DYNC2LI1: variants seen among roughly 807,000 people sequenced by gnomAD.
The protein encoded by DYNC2LI1 is dynein cytoplasmic 2 light intermediate chain 1.
A neutral mutation model predicts 51.9 loss-of-function variants in DYNC2LI1; 45 were observed. The observed-to-expected ratio is 0.87, with a 90% CI of 0.68 to 1.11. The LOEUF is 1.11. DYNC2LI1 is among the 50% of genes most tolerant of loss of function. The probability of loss-of-function intolerance (pLI) is 0.00; values close to 1 mark genes in which losing one functional copy is unlikely to be tolerated. For synonymous variants in DYNC2LI1, 130 were observed against 137.8 expected (o/e 0.94, Z 0.40); for missense variants, 490 against 417.4 (o/e 1.17, Z -1.51).
the DYNC2LI1 span, among the ~76,000 whole-genome samples, chr2:43,816,433 GGA>G: frequency 0.16 from 23,622 of 152,158 alleles, 1,938 homozygotes; most frequent in South Asian, 0.22. Context: ...TGCAGGTGGC[GGA>G]GAGAGAGAAA....
In DYNC2LI1 at chr2:43,794,499, T is replaced by C. The variant is rs768949011; in HGVS notation, c.363T>C (p.Asn121=). The change falls in exon 6 of 13, where the codon AAT becomes AAC. Residue 121 remains asparagine, a synonymous_variant. Coordinates refer to ENST00000260605, the MANE Select transcript of DYNC2LI1 (RefSeq NM_016008.4). ...LVLVLDLSKP[N]DLWPTMENLL... ...TCGTTCTGGATCTTTCAAAACCTAA[T>C]GATCTCTGGCCCACCATGGAAAATC... 24 of 1,613,872 alleles carry C rather than the reference T, an allele frequency of 1.5e-5. No individual in the cohort carries two copies. In the East Asian group the frequency reaches 2.0e-4, roughly 13 times the overall value.
chr2:43,796,102 A>G lies in DYNC2LI1; in HGVS notation c.576+144A>G, dbSNP rs1674025326. 6.2e-6 allele frequency: 4 copies of G among 649,620 alleles called. No homozygotes were observed. In the South Asian group the frequency reaches 6.5e-5, roughly 11 times the overall value. The allele number at this position is 649,620 out of a possible 1,614,324, so 40.2% of individuals were successfully genotyped here. A position where few individuals can be genotyped will look rare whatever the true frequency, so the allele number is the denominator to read the frequency against. ...ATGCATCTTAAAGATTTTGGAAAAG[A>G]CATAGTTGGGACAGAAAAAAATAGG... is the stretch of plus-strand genomic sequence containing the variant. On this transcript the variant is annotated intron_variant, in intron 7 of 12. Transcript: ENST00000260605.
intron 5 of DYNC2LI1, among the ~76,000 whole-genome samples, chr2:43,791,877 T>A (rs1375982296): frequency 6.6e-6 from 1 of 152,262 alleles, no homozygotes; most frequent in Non-Finnish European, 1.5e-5. Context: ...TGTAAAAAAA[T>A]TTTTTGGCTA....
intron 8 of DYNC2LI1, among the ~76,000 whole-genome samples, chr2:43,797,106 C>CAATAT (rs770616560): frequency 1.3e-5 from 2 of 152,112 alleles, no homozygotes; most frequent in Non-Finnish European, 2.9e-5. Context: ...GAATTAGAAT[C>CAATAT]TATATTCCCC....
downstream of DYNC2LI1, among the ~76,000 whole-genome samples, chr2:43,813,933 G>A (rs941192172): frequency 5.3e-5 from 8 of 151,738 alleles, no homozygotes; most frequent in African/African-American, 1.9e-4. Context: ...CGGCCAGGCT[G>A]GTCTCGAACT....
intron 12 of DYNC2LI1, 154 bp downstream of exon 12, chr2:43,805,400 A>T (rs911413858): frequency 1.9e-5 from 9 of 474,252 alleles, no homozygotes; most frequent in African/African-American, 1.4e-4. Context: ...TAAATAACAC[A>T]CTAATAGTAT....
chr2:43,798,091 C>T (rs1253760775), intron 8 of DYNC2LI1, among the ~76,000 whole-genome samples: 2 of 151,458 alleles, frequency 1.3e-5, no homozygotes, highest in Admixed American at 1.3e-4. Context: ...CACACCACTG[C>T]ACTCCAGACT....
intron 11 of DYNC2LI1, 102 bp from the exon 12 acceptor site, chr2:43,805,052 T>C (rs1666200172): frequency 5.4e-6 from 4 of 741,256 alleles, no homozygotes; most frequent in Non-Finnish European, 9.1e-6. Context: ...ATAGAGAGCC[T>C]TTGTGGCAGG....
chr2:43,801,771 C>T (rs530355700), intron 10 of DYNC2LI1, 62 bp downstream of exon 10: 1 of 1,267,860 alleles, frequency 7.9e-7, no homozygotes, highest in Admixed American at 1.9e-5. Context: ...TTGTCCTACT[C>T]CATGTTCACT....
chr2:43,782,565 A>C (rs79766026), intron 2 of DYNC2LI1, among the ~76,000 whole-genome samples: 3 of 151,376 alleles, frequency 2.0e-5, no homozygotes, highest in African/African-American at 7.3e-5. Flanking sequence ...AAAAAAAAAA[A>C]AGGATTTTAC....
At chr2:43,785,839 G>T (rs939127502) in intron 3 of DYNC2LI1, among the ~76,000 whole-genome samples, 1 of 152,024 alleles carries the variant, frequency 6.6e-6, no homozygotes, top group South Asian at 2.1e-4. Flanking sequence ...ATGAGAAGTT[G>T]TTTAATGGGT....
At chr2:43,801,254 A>G (rs1266567362) in intron 9 of DYNC2LI1, 1 of 157,304 alleles carries the variant, frequency 6.4e-6, no homozygotes, top group Non-Finnish European at 1.4e-5. Flanking sequence ...AGGCTGGAAT[A>G]AAATAATGAT....
intron 2 of DYNC2LI1, among the ~76,000 whole-genome samples, chr2:43,777,484 C>G (rs1673076453): frequency 6.6e-6 from 1 of 152,180 alleles, no homozygotes; most frequent in Non-Finnish European, 1.5e-5. Flanking sequence ...GCAACTTTGC[C>G]TGGCCCACAA....
At chr2:43,805,068 G>A in intron 11 of DYNC2LI1, 86 bp from the exon 12 acceptor site, 3 of 830,398 alleles carry the variant, frequency 3.6e-6, no homozygotes, top group Non-Finnish European at 5.9e-6. Context: ...GCAGGCTGAG[G>A]AATGGGAGCT....
chr2:43,826,175 T>A, the DYNC2LI1 span, among the ~76,000 whole-genome samples: 1 of 151,592 alleles, frequency 6.6e-6, no homozygotes, highest in Non-Finnish European at 1.5e-5. Flanking sequence ...TCTTTTTTTT[T>A]TTTTTAGAGA....
the DYNC2LI1 span, among the ~76,000 whole-genome samples, chr2:43,818,225 G>A: frequency 2.0e-5 from 3 of 152,072 alleles, no homozygotes; most frequent in African/African-American, 4.8e-5. Context: ...GCCGAGGTGG[G>A]CGAATCACTT....
intron 4 of DYNC2LI1, among the ~76,000 whole-genome samples, chr2:43,789,205 G>A (rs1313779544): frequency 2.0e-5 from 3 of 152,060 alleles, no homozygotes; most frequent in South Asian, 2.1e-4. Context: ...TTCATTCTGC[G>A]AGCTTCTGTC....
rs561894659 is a variant in DYNC2LI1, at chr2:43,777,320, T to C, written c.126+421T>C. Among the ~76,000 whole-genome samples the C allele has an allele frequency of 3.3e-5, 5 of 152,336 alleles. No individual in the cohort carries two copies. In the East Asian group the frequency reaches 9.6e-4, roughly 29 times the overall value. On this transcript the variant is annotated intron_variant, in intron 2 of 12. Transcript: ENST00000260605. Reference sequence around the variant, plus strand: ...CAGGGTTATTAATTATTTTGAAATATCTGGGGAAAATATGGCAGCATTTCC... The same window carrying C: ...CAGGGTTATTAATTATTTTGAAATACCTGGGGAAAATATGGCAGCATTTCC...
At chr2:43,806,636 T>C (rs17031619) in intron 12 of DYNC2LI1, among the ~76,000 whole-genome samples, 3,305 of 152,270 alleles carry the variant, frequency 0.022, 83 homozygotes, top group African/African-American at 0.062. Flanking sequence ...GATTAACTGT[T>C]GTTGTTGATA....
Sources: gnomAD v4.1 joint callset for allele counts (sites outside exome capture counted in the v4.1 genomes callset) on GRCh38, gnomAD v4.1.1 for gene constraint, MANE v1.5 for transcripts, NCBI Gene and HGNC (gene_info 2026-07-23, HGNC 2026-07-21) for gene names.